KCNMA1: variants seen among roughly 807,000 people sequenced by gnomAD.
KCNMA1 encodes the protein potassium calcium-activated channel subfamily M alpha 1.
A neutral mutation model predicts 140.0 loss-of-function variants in KCNMA1; 29 were observed. The observed-to-expected ratio is 0.21, with a 90% CI of 0.15 to 0.28. The LOEUF is 0.28. Among genes scored for constraint, KCNMA1 ranks in the 10% least tolerant of loss-of-function variants. KCNMA1 has a pLI of 1.00. For missense variants in KCNMA1, 880 were observed against 1,602.2 expected (o/e 0.55, Z 7.70); for synonymous variants, 612 against 611.9 (o/e 1.00, Z 0.00).
At chr10:76,914,886 G>C in intron 24 of KCNMA1, 50 bp downstream of exon 24, 1 of 1,314,850 alleles carries the variant, frequency 7.6e-7, no homozygotes, top group Non-Finnish European at 1.1e-6. Context: ...ATCCTGTATG[G>C]TTTGAAAGAC....
intron 23 of KCNMA1, among the ~76,000 whole-genome samples, chr10:76,942,760 G>C (rs186388658): frequency 1.3e-5 from 2 of 152,246 alleles, no homozygotes; most frequent in Admixed American, 1.3e-4. Flanking sequence ...GGCATGTTGG[G>C]GAAAGGGAGT....
intron 2 of KCNMA1, among the ~76,000 whole-genome samples, chr10:77,291,728 C>A (rs186726766): frequency 2.0e-5 from 3 of 152,312 alleles, no homozygotes; most frequent in Admixed American, 6.5e-5. Flanking sequence ...TATTTCCCAG[C>A]GTCTGGGGGA....
intron 19 of KCNMA1, among the ~76,000 whole-genome samples, chr10:76,994,471 T>C (rs78863239): frequency 0.02 from 2,971 of 152,322 alleles, 95 homozygotes; most frequent in East Asian, 0.13. Flanking sequence ...GTTAACCAAC[T>C]AGCCATTTCT....
At position 77,409,120 on chromosome 10, in the gene KCNMA1, T is replaced by C. The variant is rs143377844; in HGVS notation, c.379-5097A>G. ...TTCCCTTTAGTGGTGTTCCCCACGATGACTTTTTGTTGACATGGCCGCAGA... is the reference window on the plus strand; with the variant it reads ...TTCCCTTTAGTGGTGTTCCCCACGACGACTTTTTGTTGACATGGCCGCAGA... On this transcript the variant is annotated intron_variant, in intron 1 of 27. Transcript: ENST00000286628. Among the ~76,000 whole-genome samples the C allele has an allele frequency of 8.7e-3, 1,328 of 152,254 alleles. 7 individuals carry two copies. The highest frequency in any genetic ancestry group is 0.014 in the Non-Finnish European group (962 of 68,016).
At chr10:77,366,254 C>T (rs963771589) in intron 2 of KCNMA1, among the ~76,000 whole-genome samples, 66 of 151,980 alleles carry the variant, frequency 4.3e-4, no homozygotes, top group Admixed American at 2.7e-3. Context: ...CTGCCACCTC[C>T]GCCTCCCAGG....
At chr10:77,616,201 T>C (rs1398670608) in intron 1 of KCNMA1, among the ~76,000 whole-genome samples, 2 of 152,216 alleles carry the variant, frequency 1.3e-5, no homozygotes, top group Non-Finnish European at 2.9e-5. Flanking sequence ...CACAGAGTCC[T>C]AGGCTTCAGA....
rs192295376 is a variant in KCNMA1, at chr10:77,417,908, G to A, written c.379-13885C>T. 3.4e-3 allele frequency among the ~76,000 whole-genome samples: 524 copies of A among 152,274 alleles called. 2 individuals carry two copies. The highest frequency in any genetic ancestry group is 5.7e-3 in the Non-Finnish European group (388 of 68,012). ...ATGGCCAGGTTACCAGGCATACAGC[G>A]GCAGTCAGGATCTACCGCTCCGAGC... On this transcript the variant is annotated intron_variant, in intron 1 of 27. Coordinates refer to ENST00000286628, the MANE Select transcript of KCNMA1 (RefSeq NM_001161352.2).
intron 3 of KCNMA1, among the ~76,000 whole-genome samples, chr10:77,225,869 G>A (rs189144322): frequency 1.2e-4 from 19 of 152,272 alleles, no homozygotes; most frequent in Non-Finnish European, 2.2e-4. Context: ...CAGGCCAGTC[G>A]TCTCACCTGG....
At chr10:77,519,219 T>C (rs1459284228) in intron 1 of KCNMA1, among the ~76,000 whole-genome samples, 1 of 152,216 alleles carries the variant, frequency 6.6e-6, no homozygotes, top group Non-Finnish European at 1.5e-5. Flanking sequence ...AGTGAAATGC[T>C]CAGAGGGGAT....
At chr10:76,936,764 A>G (rs1228978889) in intron 23 of KCNMA1, among the ~76,000 whole-genome samples, 2 of 152,120 alleles carry the variant, frequency 1.3e-5, no homozygotes, top group Non-Finnish European at 2.9e-5. Flanking sequence ...GCAGGTGTGG[A>G]AGGGTGGTGT....
At chr10:77,231,253 T>C (rs2053483055) in intron 3 of KCNMA1, among the ~76,000 whole-genome samples, 3 of 152,210 alleles carry the variant, frequency 2.0e-5, no homozygotes, top group Non-Finnish European at 2.9e-5. Context: ...CTACTTGCTC[T>C]ACTCACTGAT....
chr10:76,952,435 G>A (rs572445119), intron 21 of KCNMA1, among the ~76,000 whole-genome samples: 7 of 152,172 alleles, frequency 4.6e-5, no homozygotes, highest in Non-Finnish European at 8.8e-5. Flanking sequence ...CAGGAGAATC[G>A]CTTGAATCTG....
chr10:77,328,097 ATCTG>A (rs902186756), intron 2 of KCNMA1, among the ~76,000 whole-genome samples: 13 of 152,302 alleles, frequency 8.5e-5, no homozygotes, highest in African/African-American at 2.9e-4. Context: ...CATTTTAAAT[ATCTG>A]TCTGTGTCTC....
chr10:77,227,368 T>C (rs953206511), intron 3 of KCNMA1, among the ~76,000 whole-genome samples: 10 of 152,218 alleles, frequency 6.6e-5, no homozygotes, highest in Non-Finnish European at 1.3e-4. Flanking sequence ...TGTTTTGGCA[T>C]TAACCAGTGA....
chr10:76,950,308 C>G (rs1294491552), intron 21 of KCNMA1, among the ~76,000 whole-genome samples: 1 of 152,100 alleles, frequency 6.6e-6, no homozygotes, highest in African/African-American at 2.4e-5. Flanking sequence ...AAAAGATCTC[C>G]CCAAATAATC....
chr10:77,516,710 T>G (rs920423974), intron 1 of KCNMA1, among the ~76,000 whole-genome samples: 1 of 152,246 alleles, frequency 6.6e-6, no homozygotes, highest in Non-Finnish European at 1.5e-5. Context: ...CCACTTCTCA[T>G]GCCTCATCAT....
Position 77,059,485 on chromosome 10 carries a change from T to C in KCNMA1, c.1749+13612A>G, listed in dbSNP as rs72805512. 5.1e-3 allele frequency among the ~76,000 whole-genome samples: 776 copies of C among 152,088 alleles called. 3 individuals carry two copies. Among genetic ancestry groups the C allele is most frequent in the Non-Finnish European group, 9.0e-3 (609 of 67,934 alleles). ...TTAACAAACCAAATCCACCAACATG[T>C]ATAAGAAATAATCACACTAACTAGG... On this transcript the variant is annotated intron_variant, in intron 14 of 27. Transcript: ENST00000286628.
At chr10:77,196,185 C>A (rs2040417886) in intron 3 of KCNMA1, among the ~76,000 whole-genome samples, 1 of 152,006 alleles carries the variant, frequency 6.6e-6, no homozygotes, top group Non-Finnish European at 1.5e-5. Context: ...TAGGATGGCC[C>A]CAGGAAGCCG....
rs71475663 is a variant in KCNMA1, at chr10:77,540,358, T to C, written c.378+96907A>G. On this transcript the variant is annotated intron_variant, in intron 1 of 27. Transcript: ENST00000286628. ...TGTGGGCTAAGCACTCTGCAGAACTTACCTCATTGAATAATCAGTATAACA... is the reference window on the plus strand; with the variant it reads ...TGTGGGCTAAGCACTCTGCAGAACTCACCTCATTGAATAATCAGTATAACA... Among the ~76,000 whole-genome samples, 729 of 152,364 alleles carry C rather than the reference T, an allele frequency of 4.8e-3. 5 individuals carry two copies. Among genetic ancestry groups the C allele is most frequent in the South Asian group, 0.011 (53 of 4,832 alleles).
Sources: gnomAD v4.1 joint callset for allele counts (sites outside exome capture counted in the v4.1 genomes callset) on GRCh38, gnomAD v4.1.1 for gene constraint, MANE v1.5 for transcripts, NCBI Gene and HGNC (gene_info 2026-07-23, HGNC 2026-07-21) for gene names.